The following TMOD3 variants were observed in gnomAD, a reference collection of about 807,000 sequenced individuals.
TMOD3 encodes the protein tropomodulin-3.
In TMOD3, 20 loss-of-function variants were observed where a neutral mutation model predicts 39.2. That is an observed-to-expected ratio of 0.51 (90% CI 0.36 to 0.74). The LOEUF is 0.74. Among genes scored for constraint, TMOD3 ranks in the 30% least tolerant of loss-of-function variants. TMOD3 has a pLI of 0.00. For synonymous variants in TMOD3, 143 were observed against 145.8 expected (o/e 0.98, Z 0.14); for missense variants, 381 against 412.8 (o/e 0.92, Z 0.67).
At chr15:51,830,498 A>G (rs2056249317) in intron 1 of TMOD3, among the ~76,000 whole-genome samples, 1 of 152,186 alleles carries the variant, frequency 6.6e-6, no homozygotes. Context: ...ACAAACAGAA[A>G]TGGGAAACAG....
rs181596332 is a variant in TMOD3 at position 51,902,621 on chromosome 15, C to T, written c.1024+585C>T. On this transcript the variant is annotated intron_variant, in intron 9 of 9. Transcript: ENST00000308580. ...GAGTAGCTGGGACTACAGGCGTGCG[C>T]GCCGTGCCCAGCTAATTTTTGTATT... Among the ~76,000 whole-genome samples, 14 of 148,870 alleles carry T rather than the reference C, an allele frequency of 9.4e-5. No homozygotes were observed. In the East Asian group the frequency reaches 1.2e-3, roughly 13 times the overall value.
chr15:51,843,402 A>G (rs1333056286), intron 1 of TMOD3, among the ~76,000 whole-genome samples: 3 of 152,188 alleles, frequency 2.0e-5, no homozygotes, highest in African/African-American at 7.2e-5. Context: ...AGTTTTATCA[A>G]AATCACCCGA....
rs558386639 is a variant in TMOD3, at chr15:51,913,890, G to T, written c.*5080G>T. ...TAGCTGGGTGCGGTGGCGCATGCCT[G>T]TAGTCCCATCTACTCGGAAGACTGA... On this transcript the variant is annotated 3_prime_UTR_variant, in exon 10 of 10. Transcript: ENST00000308580. The T allele has an allele frequency of 2.6e-5, 4 of 152,062 alleles. No individual in the cohort carries two copies. In the East Asian group the frequency reaches 7.7e-4, roughly 29 times the overall value. The allele number at this position is 152,062 out of a possible 1,614,324, so 9.4% of individuals were successfully genotyped here.
intron 3 of TMOD3, among the ~76,000 whole-genome samples, chr15:51,874,082 A>G (rs971383823): frequency 6.6e-6 from 1 of 152,180 alleles, no homozygotes; most frequent in Non-Finnish European, 1.5e-5. Flanking sequence ...ATTACACATA[A>G]CTGGCCAGGA....
intron 3 of TMOD3, among the ~76,000 whole-genome samples, chr15:51,885,036 C>G (rs1298351582): frequency 6.6e-6 from 1 of 152,342 alleles, no homozygotes. Flanking sequence ...CCCCTGGTGA[C>G]TAACATGCAC....
intron 9 of TMOD3, 43 bp from the exon 10 acceptor site, chr15:51,908,733 C>A: frequency 6.6e-7 from 1 of 1,510,796 alleles, no homozygotes; most frequent in Non-Finnish European, 8.9e-7. Flanking sequence ...ATTGTAAAAA[C>A]TAATAGGGAT....
At position 51,905,861 on chromosome 15, in the gene TMOD3, G is replaced by A. The variant is rs374929131; in HGVS notation, c.1025-2915G>A. ...CGGGAGGCTGAGGCAGGAGAATGGC[G>A]TGAACCCGGGAAGCGGAGCTTGCAG... On this transcript the variant is annotated intron_variant, in intron 9 of 9. Transcript: ENST00000308580. 3.8e-3 allele frequency among the ~76,000 whole-genome samples: 553 copies of A among 144,908 alleles called. 4 individuals carry two copies. The highest frequency in any genetic ancestry group is 0.014 in the African/African-American group (525 of 38,226).
chr15:51,846,172 A>C (rs2056334965), intron 1 of TMOD3, among the ~76,000 whole-genome samples: 2 of 149,934 alleles, frequency 1.3e-5, no homozygotes, highest in Non-Finnish European at 1.5e-5. Context: ...AAAAAATACA[A>C]AAATAAAAAT....
intron 3 of TMOD3, among the ~76,000 whole-genome samples, chr15:51,877,328 C>A (rs1406585383): frequency 6.6e-6 from 1 of 152,026 alleles, no homozygotes; most frequent in African/African-American, 2.4e-5. Flanking sequence ...GAGTTTCATT[C>A]TGGGGTGCAG....
intron 1 of TMOD3, among the ~76,000 whole-genome samples, chr15:51,861,831 G>A (rs927162945): frequency 1.1e-4 from 16 of 151,902 alleles, no homozygotes; most frequent in Non-Finnish European, 1.5e-5. Context: ...CTGATGTTTT[G>A]TATTTTTCAC....
Position 51,862,958 on chromosome 15 carries a change from C to T in TMOD3, c.74C>T (p.Ser25Leu), listed in dbSNP as rs772738299. Residue 25 changes from serine (S) to leucine (L), a missense_variant, in exon 2 of 10, where the codon TCA becomes TTA. Coordinates refer to ENST00000308580, the MANE Select transcript of TMOD3 (RefSeq NM_014547.5). ...LDEDELLGNL[S>L]ETELKQLETV... ...GAAGATGAGCTCCTTGGGAATCTGT[C>T]AGAAACAGAACTGAAACAACTGGAA... 1.9e-6 allele frequency: 3 copies of T among 1,613,970 alleles called. No homozygotes were observed. The highest frequency in any genetic ancestry group is 2.5e-6 in the Non-Finnish European group (3 of 1,179,900).
intron 3 of TMOD3, among the ~76,000 whole-genome samples, chr15:51,874,234 AAG>A (rs1209339723): frequency 1.3e-5 from 2 of 152,038 alleles, no homozygotes; most frequent in African/African-American, 4.8e-5. Flanking sequence ...GAGGACACTT[AAG>A]AGTTATTATA....
intron 1 of TMOD3, among the ~76,000 whole-genome samples, chr15:51,835,906 A>C (rs2056280461): frequency 6.6e-6 from 1 of 152,196 alleles, no homozygotes; most frequent in Non-Finnish European, 1.5e-5. Flanking sequence ...TAACTAGTGA[A>C]TGCTGTCTCC....
rs1375680315 is a variant in TMOD3, at chr15:51,882,118, C to T, written c.284-5471C>T. ...CCTTGTTGGCCAGGCTGGTCTCGAT[C>T]TCCTAACCTCAGGTGATCCATCCGC... On this transcript the variant is annotated intron_variant, in intron 3 of 9. Coordinates refer to ENST00000308580, the MANE Select transcript of TMOD3 (RefSeq NM_014547.5). Among the ~76,000 whole-genome samples, 6 of 151,864 alleles carry T rather than the reference C, an allele frequency of 4.0e-5. No individual in the cohort carries two copies. In the South Asian group the frequency reaches 8.3e-4, roughly 21 times the overall value.
chr15:51,872,176 CTT>C (rs2056478165), intron 3 of TMOD3, among the ~76,000 whole-genome samples: 1 of 152,184 alleles, frequency 6.6e-6, no homozygotes, highest in Non-Finnish European at 1.5e-5. Context: ...AGGCGGATCT[CTT>C]GAGGTCAGGA....
At position 51,913,049 on chromosome 15, in the gene TMOD3, CT is replaced by C. The variant is rs2056719036; in HGVS notation, c.*4240del. Reference sequence around the variant, plus strand: ...AGTGCAGTGGTGCGATCTCAGCTCACTGCAGCTTCCACCTCCCAGATTCAAG... The same window carrying C: ...AGTGCAGTGGTGCGATCTCAGCTCACGCAGCTTCCACCTCCCAGATTCAAG... On this transcript the variant is annotated 3_prime_UTR_variant, in exon 10 of 10. Coordinates refer to ENST00000308580, the MANE Select transcript of TMOD3 (RefSeq NM_014547.5). 1 of 152,268 alleles carries C rather than the reference CT, an allele frequency of 6.6e-6. No homozygotes were observed. Among genetic ancestry groups the C allele is most frequent in the African/African-American group, 2.4e-5 (1 of 41,460 alleles). 9.4% of individuals were successfully genotyped at this position (152,268 alleles called of 1,614,324 possible).
chr15:51,878,374 A>ATGTGTGTGTGTG (rs1445627118), intron 3 of TMOD3, among the ~76,000 whole-genome samples: 1 of 80,766 alleles, frequency 1.2e-5, no homozygotes, highest in Non-Finnish European at 2.6e-5. Context: ...TCTTTAAAAT[A>ATGTGTGTGTGTG]TATGTGTGTG....
intron 3 of TMOD3, among the ~76,000 whole-genome samples, chr15:51,878,885 A>T (rs191491209): frequency 6.6e-6 from 1 of 152,228 alleles, no homozygotes; most frequent in East Asian, 1.9e-4. Context: ...GGGCCTTTCA[A>T]CTCTGTAGGA....
intron 3 of TMOD3, among the ~76,000 whole-genome samples, chr15:51,882,559 T>C (rs576161615): frequency 1.3e-5 from 2 of 152,286 alleles, no homozygotes; most frequent in East Asian, 3.9e-4. Flanking sequence ...CGTAGTACCA[T>C]TTGTTGAAAC....
Sources: allele counts gnomAD v4.1 joint callset (sites outside exome capture counted in the v4.1 genomes callset), GRCh38; gene constraint gnomAD v4.1.1; transcripts MANE v1.5; gene names NCBI Gene and HGNC (gene_info 2026-07-23, HGNC 2026-07-21).